The following FLT1 variants were observed in gnomAD, a reference collection of about 807,000 sequenced individuals.
FLT1 encodes the protein vascular endothelial growth factor receptor 1.
Under a neutral mutation model 156.3 loss-of-function variants are expected in FLT1, and 49 were observed. The observed-to-expected ratio is 0.31, with a 90% CI of 0.25 to 0.40. The LOEUF is 0.40. Among genes scored for constraint, FLT1 ranks in the 10% least tolerant of loss-of-function variants. The probability of loss-of-function intolerance (pLI) is 1.00; values close to 1 mark genes in which losing one functional copy is unlikely to be tolerated. For missense variants in FLT1, 1,322 were observed against 1,637.2 expected (o/e 0.81, Z 3.32); for synonymous variants, 594 against 583.8 (o/e 1.02, Z -0.25).
At chr13:28,320,059 T>G (rs1871379089) in intron 23 of FLT1, among the ~76,000 whole-genome samples, 1 of 152,156 alleles carries the variant, frequency 6.6e-6, no homozygotes, top group Non-Finnish European at 1.5e-5. Flanking sequence ...AATATACAGT[T>G]AGTTTTCAAA....
chr13:28,390,643 C>G (rs1018577046), intron 12 of FLT1, among the ~76,000 whole-genome samples: 9 of 152,146 alleles, frequency 5.9e-5, no homozygotes, highest in African/African-American at 1.9e-4. Context: ...GTGATCCATG[C>G]TCCTCGGCCT....
intron 14 of FLT1, among the ~76,000 whole-genome samples, chr13:28,377,761 A>C (rs936453292): frequency 1.3e-5 from 2 of 152,232 alleles, no homozygotes; most frequent in African/African-American, 4.8e-5. Context: ...TGAGTTCAAA[A>C]TAATTTTAAA....
intron 25 of FLT1, among the ~76,000 whole-genome samples, chr13:28,316,395 A>C (rs1218095762): frequency 6.6e-6 from 1 of 152,264 alleles, no homozygotes; most frequent in Non-Finnish European, 1.5e-5. Flanking sequence ...CTGCCAGTTC[A>C]GGAAAGGTGG....
Position 28,470,274 on chromosome 13 carries a change from A to C in FLT1, c.65-2657T>G, listed in dbSNP as rs527874577. On this transcript the variant is annotated intron_variant, in intron 1 of 29. Transcript: ENST00000282397. ...TTGAGGCAACATGTGGCCCAAAATCAGGGATCTGTGGAAACGCCAGACTTT... is the reference window on the plus strand; with the variant it reads ...TTGAGGCAACATGTGGCCCAAAATCCGGGATCTGTGGAAACGCCAGACTTT... 3.9e-5 allele frequency among the ~76,000 whole-genome samples: 6 copies of C among 152,350 alleles called. No homozygotes were observed. The East Asian group carries it at 1.2e-3, about 29-fold the overall frequency.
chr13:28,379,213 T>A (rs900959302), intron 14 of FLT1, among the ~76,000 whole-genome samples: 1 of 152,100 alleles, frequency 6.6e-6, no homozygotes, highest in Non-Finnish European at 1.5e-5. Context: ...CGTTGTGGCA[T>A]GCACCTGCAA....
chr13:28,324,945 C>A (rs1404059788), intron 20 of FLT1, among the ~76,000 whole-genome samples: 1 of 152,228 alleles, frequency 6.6e-6, no homozygotes, highest in Non-Finnish European at 1.5e-5. Flanking sequence ...GGGACTCTGG[C>A]AGAATATAGT....
At chr13:28,448,039 A>G (rs183371233) in intron 3 of FLT1, among the ~76,000 whole-genome samples, 227 of 152,306 alleles carry the variant, frequency 1.5e-3, no homozygotes, top group South Asian at 2.7e-3. Context: ...TCATGGAAAT[A>G]CCAATCAAAA....
chr13:28,323,048 T>C, intron 20 of FLT1, 102 bp from the exon 21 acceptor site: 1 of 1,257,676 alleles, frequency 8.0e-7, no homozygotes, highest in Non-Finnish European at 1.2e-6. Context: ...ATGAGAGCGT[T>C]TCACTTCTCA....
At chr13:28,489,069 C>T (rs751067145) in intron 1 of FLT1, among the ~76,000 whole-genome samples, 2 of 152,150 alleles carry the variant, frequency 1.3e-5, no homozygotes, top group South Asian at 2.1e-4. Flanking sequence ...CAGGCCCCAG[C>T]GAAGCATCAT....
chr13:28,325,363 G>T (rs945649105), intron 20 of FLT1, among the ~76,000 whole-genome samples: 1 of 152,130 alleles, frequency 6.6e-6, no homozygotes, highest in Non-Finnish European at 1.5e-5. Context: ...CACAGAAAAG[G>T]CAGTGGAGGA....
At chr13:28,417,839 G>A (rs781626918) in intron 10 of FLT1, among the ~76,000 whole-genome samples, 43 of 151,848 alleles carry the variant, frequency 2.8e-4, no homozygotes, top group Non-Finnish European at 2.9e-4. Context: ...GGCATGCCGA[G>A]GCTGAAATTA....
At chr13:28,457,602 A>G (rs1011683979) in intron 3 of FLT1, among the ~76,000 whole-genome samples, 12 of 152,270 alleles carry the variant, frequency 7.9e-5, no homozygotes, top group African/African-American at 2.7e-4. Context: ...ACTGTAGAAT[A>G]TTAGAACTGG....
chr13:28,366,462 T>G (rs953715952), intron 14 of FLT1, among the ~76,000 whole-genome samples: 2 of 150,818 alleles, frequency 1.3e-5, no homozygotes, highest in Admixed American at 6.6e-5. Context: ...GATTAGCTAC[T>G]CTGGAAAGCA....
At chr13:28,449,551 C>G (rs185021099) in intron 3 of FLT1, among the ~76,000 whole-genome samples, 3 of 149,842 alleles carry the variant, frequency 2.0e-5, no homozygotes, top group African/African-American at 7.3e-5. Context: ...AAAAATCTCA[C>G]TGAGACTGGC....
chr13:28,358,337 G>A (rs1044903696), intron 14 of FLT1, among the ~76,000 whole-genome samples: 3 of 152,296 alleles, frequency 2.0e-5, no homozygotes, highest in South Asian at 2.1e-4. Flanking sequence ...ATGCCTTAGC[G>A]CTTCAAGCTT....
chr13:28,358,560 G>A (rs1872990308), intron 14 of FLT1, among the ~76,000 whole-genome samples: 1 of 152,176 alleles, frequency 6.6e-6, no homozygotes. Flanking sequence ...AGACCTTGAA[G>A]CTTCAATACC....
At chr13:28,311,766 A>T in intron 26 of FLT1, 34 bp from the exon 27 acceptor site, 1 of 1,611,196 alleles carries the variant, frequency 6.2e-7, no homozygotes, top group East Asian at 2.2e-5. Flanking sequence ...TCGTTGCACC[A>T]ATTCTGACTT....
chr13:28,391,254 C>A (rs1874694145), intron 12 of FLT1, among the ~76,000 whole-genome samples: 1 of 152,090 alleles, frequency 6.6e-6, no homozygotes, highest in African/African-American at 2.4e-5. Context: ...TGTCGATTCC[C>A]AGCTAATCTT....
intron 15 of FLT1, among the ~76,000 whole-genome samples, chr13:28,346,618 G>C (rs1872577579): frequency 6.6e-6 from 1 of 152,082 alleles, no homozygotes; most frequent in Admixed American, 6.6e-5. Flanking sequence ...GCTGAGGCAG[G>C]AGGATCACTT....
Sources: allele counts gnomAD v4.1 joint callset (sites outside exome capture counted in the v4.1 genomes callset), GRCh38; gene constraint gnomAD v4.1.1; transcripts MANE v1.5; gene names NCBI Gene and HGNC (gene_info 2026-07-23, HGNC 2026-07-21).